PRX: variants seen among roughly 807,000 people sequenced by gnomAD.
PRX encodes periaxin.
A neutral mutation model predicts 29.6 loss-of-function variants in PRX; 24 were observed. The ratio of observed to expected loss-of-function variants is 0.81; its 90% CI spans 0.59 to 1.14. The LOEUF (loss-of-function observed/expected upper bound fraction) is 1.14. PRX is among the 50% of genes most tolerant of loss of function. PRX has a pLI of 0.00. For missense variants in PRX, 1,838 were observed against 1,926.4 expected, an observed-to-expected ratio of 0.95 and a Z score of 0.86; for synonymous variants, 772 against 831.7, an observed-to-expected ratio of 0.93 and a Z score of 1.24.
Position 40,395,255 on chromosome 19 carries a change from T to C in PRX, c.3097A>G (p.Thr1033Ala), listed in dbSNP as rs2079421326. The change falls in exon 7 of 7, where the codon ACT (threonine) becomes GCT (alanine). Residue 1033 changes from threonine to alanine, a missense_variant. Physicochemically the swap from Thr to Ala is moderately conservative, Grantham distance 58. Transcript: ENST00000324001. The stretch of plus-strand genomic sequence containing the variant: ...CCTGGCACTAGTTCTGCTGCCTCAG[T>C]GTCCCGGCCTCTGACCCCAAACTTG... Reference protein sequence around the residue: ...LPKFGVRGRDTEAAELVPGVA... With the variant: ...LPKFGVRGRDAEAAELVPGVA... The C allele has an allele frequency of 6.2e-7, 1 of 1,613,852 alleles. No homozygotes were observed. The highest frequency in any genetic ancestry group is 1.1e-5 in the South Asian group (1 of 91,080).
chr19:40,403,945 A>C, intron 4 of PRX, 83 bp from the exon 5 acceptor site: 38 of 1,414,268 alleles, frequency 2.7e-5, no homozygotes, highest in Non-Finnish European at 3.5e-5. Flanking sequence ...ACAGTGGCTC[A>C]TATACATATA....
chr19:40,414,343 C>T (rs549898367), upstream of PRX, among the ~76,000 whole-genome samples: 6 of 152,230 alleles, frequency 3.9e-5, no homozygotes, highest in South Asian at 2.1e-4. Context: ...AGGCTGGTCT[C>T]GAACTCCTGG....
Position 40,396,202 on chromosome 19 carries a change from A to G in PRX, c.2150T>C (p.Met717Thr), listed in dbSNP as rs762733665. The change falls in exon 7 of 7, where the codon ATG becomes ACG. Residue 717 changes from methionine to threonine, a missense_variant. Physicochemically the swap from Met to Thr is moderately conservative, Grantham distance 81. This residue lies in a region of PRX where 1,143 missense variants were observed against 1,193.0 expected (regional missense o/e 0.96). Coordinates refer to ENST00000324001, the MANE Select transcript of PRX (RefSeq NM_181882.3). ...PEVQLPKVCE[M>T]KVPDMKLPEI... ...TGGGAGCTTCATGTCAGGGACTTTCATTTCACAGACTTTGGGCAGCTGCAC... is the reference window on the plus strand; with the variant it reads ...TGGGAGCTTCATGTCAGGGACTTTCGTTTCACAGACTTTGGGCAGCTGCAC... The G allele has an allele frequency of 6.2e-7, 1 of 1,610,368 alleles. No individual in the cohort carries two copies. Among genetic ancestry groups the G allele is most frequent in the South Asian group, 1.1e-5 (1 of 90,936 alleles).
chr19:40,395,574 C>T lies in PRX; in HGVS notation c.2778G>A (p.Lys926=), dbSNP rs140500272. 1.2e-6 allele frequency: 2 copies of T among 1,614,080 alleles called. No homozygotes were observed. Among genetic ancestry groups the T allele is most frequent in the African/African-American group, 2.7e-5 (2 of 74,926 alleles). Reference sequence around the variant, plus strand: ...TAGGTAAGGAGAACTTGGAAGAGGGCTTGACTTTTGTCTCTATCATCTCCA... The same window carrying T: ...TAGGTAAGGAGAACTTGGAAGAGGGTTTGACTTTTGTCTCTATCATCTCCA... ...GRLEMIETKV[K]PSSKFSLPKF... is the part of the protein sequence containing the mutation. Residue 926 remains lysine, a synonymous_variant, in exon 7 of 7, where the codon AAG becomes AAA. Transcript: ENST00000324001.
chr19:40,394,241 G>A lies in PRX; in HGVS notation c.4111C>T (p.Arg1371Trp), dbSNP rs753339248. ...GGCAAGCGGACCCGGACCCGGCCCC[G>A]GCGACCCGAGGCCCCTTCCCCACTG... ...EGSGEGASGR[R>W]GRVRVRLPRV... The change falls in exon 7 of 7, where the codon CGG becomes TGG. Residue 1371 changes from arginine (R) to tryptophan (W), a missense_variant. This residue lies in a region of PRX where 1,143 missense variants were observed against 1,193.0 expected (regional missense o/e 0.96). Coordinates refer to ENST00000324001, the MANE Select transcript of PRX (RefSeq NM_181882.3). This position sits in a 1 kb window ranked among gnomAD's most constrained non-coding sequence, Gnocchi z 5.8. The A allele has an allele frequency of 2.7e-5, 44 of 1,604,626 alleles. No individual in the cohort carries two copies. The highest frequency in any genetic ancestry group is 2.0e-4 in the African/African-American group (15 of 74,614).
chr19:40,398,068 G>T lies in PRX; in HGVS notation c.382-98C>A. 1 of 1,476,376 alleles carries T rather than the reference G, an allele frequency of 6.8e-7. No individual in the cohort carries two copies. The highest frequency in any genetic ancestry group is 1.4e-5 in the South Asian group (1 of 71,766). 91.5% of individuals were successfully genotyped at this position (1,476,376 alleles called of 1,614,324 possible). ...TGGTATTGGACCAGGCGGGGGATGTGCTGGGTCAAGTATCTTGTTCCCCAA... is the reference window on the plus strand; with the variant it reads ...TGGTATTGGACCAGGCGGGGGATGTTCTGGGTCAAGTATCTTGTTCCCCAA... On this transcript the variant is annotated intron_variant, in intron 6 of 6. Transcript: ENST00000324001. This position sits in a 1 kb window ranked among gnomAD's most constrained non-coding sequence, Gnocchi z 6.3.
upstream of PRX, among the ~76,000 whole-genome samples, chr19:40,414,468 G>A (rs1339218891): frequency 1.3e-5 from 2 of 152,112 alleles, no homozygotes; most frequent in African/African-American, 2.4e-5. Context: ...TGAAGCTGAG[G>A]TCCAACCCCT....
intron 4 of PRX, among the ~76,000 whole-genome samples, chr19:40,405,589 A>C (rs954864682): frequency 6.7e-6 from 1 of 148,256 alleles, no homozygotes; most frequent in Non-Finnish European, 1.5e-5. Context: ...CCTTTGGCTC[A>C]GCAGGCCCTG....
rs765275930 is a variant in PRX at position 40,394,551 on chromosome 19, C to G, written c.3801G>C (p.Gly1267=). 11 of 1,607,088 alleles carry G rather than the reference C, an allele frequency of 6.8e-6. No homozygotes were observed. The African/African-American group carries it at 8.0e-5, about 12-fold the overall frequency. ...GGEGAEEQPP[G]AERTFCLSLP... ...GTGAGAGGCAGAAGGTACGCTCGGC[C>G]CCTGGGGGCTGCTCCTCAGCACCCT... Residue 1267 remains glycine, a synonymous_variant, in exon 7 of 7, where the codon GGG becomes GGC. Coordinates refer to ENST00000324001, the MANE Select transcript of PRX (RefSeq NM_181882.3). This position sits in a 1 kb window ranked among gnomAD's most constrained non-coding sequence, Gnocchi z 5.8.
chr19:40,412,583 C>G (rs933685969), intron 1 of PRX, among the ~76,000 whole-genome samples: 1 of 152,218 alleles, frequency 6.6e-6, no homozygotes, highest in African/African-American at 2.4e-5. Context: ...CCCACTTTCT[C>G]TGCTACCAAA....
chr19:40,404,432 G>GGT (rs1555802251), intron 4 of PRX, among the ~76,000 whole-genome samples: 6 of 143,452 alleles, frequency 4.2e-5, no homozygotes, highest in Non-Finnish European at 9.2e-5. Flanking sequence ...GCTGGGGGGG[G>GGT]TTGGTGCGGG....
rs1465491073 is a variant in PRX, at chr19:40,395,337, G to C, written c.3015C>G (p.Gly1005=). Residue 1005 remains glycine (G), a synonymous_variant, in exon 7 of 7, where the codon GGC becomes GGG. Coordinates refer to ENST00000324001, the MANE Select transcript of PRX (RefSeq NM_181882.3). ...QLSLDAHLPS[G]KVEVAGADLK... ...GGTCGGCCCCTGCCACCTCTACCTT[G>C]CCTGAGGGCAGGTGGGCATCCAGGC... The C allele has an allele frequency of 6.2e-7, 1 of 1,613,648 alleles. No individual in the cohort carries two copies. Among genetic ancestry groups the C allele is most frequent in the East Asian group, 2.2e-5 (1 of 44,850 alleles).
rs2079540487 is a variant in PRX at position 40,408,019 on chromosome 19, G to A, written c.-87C>T. ...ACCAGCTTCAGTTCTGCATGGAGCA[G>A]CTGCCTCTGAGCCTGTGGGAGGACA... On this transcript the variant is annotated 5_prime_UTR_variant, in exon 4 of 7. Transcript: ENST00000324001. 2 of 1,575,980 alleles carry A rather than the reference G, an allele frequency of 1.3e-6. No individual in the cohort carries two copies. Among genetic ancestry groups the A allele is most frequent in the East Asian group, 2.3e-5 (1 of 43,946 alleles).
Position 40,395,608 on chromosome 19 carries a change from T to A in PRX, c.2744A>T (p.Glu915Val), listed in dbSNP as rs899773763. 2.5e-6 allele frequency: 4 copies of A among 1,614,164 alleles called. No individual in the cohort carries two copies. The highest frequency in any genetic ancestry group is 3.4e-6 in the Non-Finnish European group (4 of 1,180,008). ...TPQLPAVEIEEGRLEMIETKV... is the reference protein window; with the variant it reads ...TPQLPAVEIEVGRLEMIETKV... Reference sequence around the variant, plus strand: ...TGTCTCTATCATCTCCAGCCGCCCTTCCTCAATTTCCACGGCGGGCAGCTG... The same window carrying A: ...TGTCTCTATCATCTCCAGCCGCCCTACCTCAATTTCCACGGCGGGCAGCTG... Residue 915 changes from glutamate (E) to valine (V), a missense_variant, in exon 7 of 7, where the codon GAA becomes GTA. This residue lies in a region of PRX where 1,143 missense variants were observed against 1,193.0 expected (regional missense o/e 0.96). Coordinates refer to ENST00000324001, the MANE Select transcript of PRX (RefSeq NM_181882.3).
Position 40,395,368 on chromosome 19 carries a change from T to G in PRX, c.2984A>C (p.Gln995Pro). Residue 995 changes from glutamine to proline, a missense_variant, in exon 7 of 7, where the codon CAG (glutamine) becomes CCG (proline). Physicochemically the swap from Gln to Pro is moderately conservative, Grantham distance 76. Transcript: ENST00000324001. The part of the protein sequence containing the change: ...LLPALDLSIP[Q>P]LSLDAHLPSG... Reference sequence around the variant, plus strand: ...GGGCAGGTGGGCATCCAGGCTGAGCTGTGGGATGGACAGATCGAGGGCAGG... The same window carrying G: ...GGGCAGGTGGGCATCCAGGCTGAGCGGTGGGATGGACAGATCGAGGGCAGG... The G allele has an allele frequency of 6.2e-7, 1 of 1,613,846 alleles. No individual in the cohort carries two copies. Among genetic ancestry groups the G allele is most frequent in the Non-Finnish European group, 8.5e-7 (1 of 1,180,020 alleles).
chr19:40,394,440 G>A lies in PRX; in HGVS notation c.3912C>T (p.Leu1304=), dbSNP rs1321640904. 2.5e-6 allele frequency: 4 copies of A among 1,602,896 alleles called. No individual in the cohort carries two copies. Among genetic ancestry groups the A allele is most frequent in the Non-Finnish European group, 3.4e-6 (4 of 1,174,978 alleles). Residue 1304 remains leucine, a synonymous_variant, in exon 7 of 7, where the codon CTC becomes CTT. Transcript: ENST00000324001. This position sits in a 1 kb window ranked among gnomAD's most constrained non-coding sequence, Gnocchi z 5.8. ...AEGEGEAGHK[L]KVRLPRFGLV... ...GGCCAAACCGGGGCAGCCGTACCTT[G>A]AGCTTGTGTCCGGCCTCTCCCTCCC...
At chr19:40,404,909 G>T (rs2079521789) in intron 4 of PRX, among the ~76,000 whole-genome samples, 1 of 152,056 alleles carries the variant, frequency 6.6e-6, no homozygotes, top group African/African-American at 2.4e-5. Flanking sequence ...ATTTAACTAT[G>T]GGGGAGGGGC....
intron 1 of PRX, among the ~76,000 whole-genome samples, chr19:40,411,726 C>G (rs568348460): frequency 6.6e-6 from 1 of 152,248 alleles, no homozygotes; most frequent in African/African-American, 2.4e-5. Flanking sequence ...CTCTGTGTTC[C>G]CAGCTCTGCC....
rs371887816 is a variant in PRX at position 40,396,046 on chromosome 19, G to A, written c.2306C>T (p.Pro769Leu). 2.2e-5 allele frequency: 36 copies of A among 1,613,962 alleles called. No individual in the cohort carries two copies. In the Admixed American group the frequency reaches 3.5e-4, roughly 16 times the overall value. ...GGGCAGCTTCACCTCTGGTGCCTTC[G>A]GAAGATGCACGTCGGGAACCTTCGG... ...QVPKVPDVHL[P>L]KAPEVKLPRA... Residue 769 changes from proline (P) to leucine (L), a missense_variant, in exon 7 of 7, where the codon CCG becomes CTG. By Grantham distance (98) the Pro-to-Leu change is moderately conservative (BLOSUM62 -3). Transcript: ENST00000324001.
Sources: allele counts gnomAD v4.1 joint callset (sites outside exome capture counted in the v4.1 genomes callset), GRCh38; gene constraint gnomAD v4.1.1; regional missense constraint gnomAD v4.1.1; non-coding constraint Gnocchi (gnomAD v3.1); transcripts MANE v1.5; gene names NCBI Gene and HGNC (gene_info 2026-07-23, HGNC 2026-07-21).